Variants in BRCA2 observed in about 807,000 individuals in gnomAD.
BRCA2 encodes BRCA2 DNA repair associated, also known as breast cancer type 2 susceptibility protein.
In BRCA2, 203 loss-of-function variants were observed where a neutral mutation model predicts 276.7. The observed-to-expected ratio is 0.73, with a 90% CI of 0.65 to 0.82. The LOEUF (loss-of-function observed/expected upper bound fraction) is 0.82, where lower values mean the gene tolerates loss of function less well. Ranked by LOEUF, BRCA2 falls within the 40% of genes least tolerant of loss-of-function variation. The pLI is 0.00. For missense variants in BRCA2, 3,920 were observed against 3,915.0 expected (o/e 1.00, Z -0.03); for synonymous variants, 1,289 against 1,338.4 (o/e 0.96, Z 0.81).
At position 32,339,997 on chromosome 13, in the gene BRCA2, A is replaced by T. The variant is rs398122537; in HGVS notation, c.5642A>T (p.Lys1881Ile). Residue 1881 changes from lysine (K) to isoleucine (I), a missense_variant, in exon 11 of 27, where the codon AAA (lysine) becomes ATA (isoleucine). Lys to Ile is a moderately radical substitution (Grantham distance 102, BLOSUM62 -3). Coordinates refer to ENST00000380152, the MANE Select transcript of BRCA2 (RefSeq NM_000059.4). ...GTAATTAAGGAAAACAACGAGAATA[A>T]ATCAAAAATTTGCCAAACGAAAATT... ...SKVIKENNEN[K>I]SKICQTKIMA... is the part of the protein sequence containing the mutation. 3.1e-6 allele frequency: 5 copies of T among 1,612,330 alleles called. No homozygotes were observed. The highest frequency in any genetic ancestry group is 4.2e-6 in the Non-Finnish European group (5 of 1,179,524).
At chr13:32,367,171 A>G (rs2072788754) in intron 18 of BRCA2, among the ~76,000 whole-genome samples, 1 of 152,220 alleles carries the variant, frequency 6.6e-6, no homozygotes, top group South Asian at 2.1e-4. Context: ...ACACTGGCCC[A>G]CACCTGTAAT....
chr13:32,344,460 A>G, intron 11 of BRCA2, 98 bp from the exon 12 acceptor site: 2 of 726,130 alleles, frequency 2.8e-6, no homozygotes, highest in Non-Finnish European at 4.7e-6. Context: ...ACATTTAAAG[A>G]GTCAATACTT....
intron 13 of BRCA2, among the ~76,000 whole-genome samples, chr13:32,352,679 G>A (rs1355183671): frequency 6.6e-6 from 1 of 152,178 alleles, no homozygotes; most frequent in Non-Finnish European, 1.5e-5. Flanking sequence ...CTTCCTGTAT[G>A]TCATTTCTGA....
chr13:32,378,577 C>T (rs2072889847), intron 21 of BRCA2, among the ~76,000 whole-genome samples: 1 of 152,184 alleles, frequency 6.6e-6, no homozygotes, highest in African/African-American at 2.4e-5. Context: ...TATAGATAAT[C>T]TCCCTTCCCG....
intron 13 of BRCA2, among the ~76,000 whole-genome samples, chr13:32,348,410 A>G (rs996152441): frequency 6.6e-6 from 1 of 152,140 alleles, no homozygotes; most frequent in African/African-American, 2.4e-5. Context: ...TTTTTAGAAT[A>G]ATAGAGGCAG....
At position 32,326,226 on chromosome 13, in the gene BRCA2, CT is replaced by C. The variant is rs276174849; in HGVS notation, c.476-9del. The C allele has an allele frequency of 6.2e-7, 1 of 1,612,998 alleles. No homozygotes were observed. The highest frequency in any genetic ancestry group is 8.5e-7 in the Non-Finnish European group (1 of 1,179,244). On this transcript the variant is annotated splice_polypyrimidine_tract_variant and intron_variant, in intron 5 of 26. Transcript: ENST00000380152. Reference sequence around the variant, plus strand: ...AAAAATAAAACTTAACAATTTTCCCCTTTTTTTACCCCCAGTGGTATGTGGG... The same window carrying C: ...AAAAATAAAACTTAACAATTTTCCCCTTTTTTACCCCCAGTGGTATGTGGG...
At chr13:32,360,574 G>C (rs2072731802) in intron 16 of BRCA2, among the ~76,000 whole-genome samples, 1 of 152,108 alleles carries the variant, frequency 6.6e-6, no homozygotes, top group African/African-American at 2.4e-5. Flanking sequence ...TGGCCAGGTT[G>C]GTCTCAAACT....
At chr13:32,321,183 C>T (rs937016602) in intron 3 of BRCA2, among the ~76,000 whole-genome samples, 3 of 152,180 alleles carry the variant, frequency 2.0e-5, no homozygotes, top group South Asian at 4.1e-4. Flanking sequence ...ATATGCAGAA[C>T]ACAGTAGTAA....
At chr13:32,321,112 G>A (rs1244862081) in intron 3 of BRCA2, among the ~76,000 whole-genome samples, 2 of 152,144 alleles carry the variant, frequency 1.3e-5, no homozygotes, top group Non-Finnish European at 2.9e-5. Context: ...TAAAACTATA[G>A]GACCTTGCAG....
rs80358506 is a variant in BRCA2, at chr13:32,336,772, A to T, written c.2417A>T (p.Asp806Val). 1 of 1,611,038 alleles carries T rather than the reference A, an allele frequency of 6.2e-7. No homozygotes were observed. The highest frequency in any genetic ancestry group is 8.5e-7 in the Non-Finnish European group (1 of 1,178,826). ...DKLKGNNYES[D>V]VELTKNIPME... The stretch of plus-strand genomic sequence containing the variant: ...CTCAAAGGTAACAATTATGAATCTG[A>T]TGTTGAATTAACCAAAAATATTCCC... The change falls in exon 11 of 27, where the codon GAT (aspartate) becomes GTT (valine). Residue 806 changes from aspartate to valine, a missense_variant. Physicochemically the swap from Asp to Val is radical, Grantham distance 152. Transcript: ENST00000380152.
rs763490852 is a variant in BRCA2, at chr13:32,355,193, A to C, written c.7340A>C (p.Asn2447Thr). 1 of 1,613,798 alleles carries C rather than the reference A, an allele frequency of 6.2e-7. No homozygotes were observed. The highest frequency in any genetic ancestry group is 8.5e-7 in the Non-Finnish European group (1 of 1,179,720). ...IDGHGSDDSK[N>T]KINDNEIHQF... is the part of the protein sequence containing the mutation. ...GGACATGGCTCTGATGATAGTAAAA[A>C]TAAGATTAATGACAATGAGATTCAT... is the stretch of plus-strand genomic sequence containing the variant. Residue 2447 changes from asparagine to threonine, a missense_variant, in exon 14 of 27, where the codon AAT becomes ACT. Asn to Thr is a moderately conservative substitution (Grantham distance 65, BLOSUM62 0). Coordinates refer to ENST00000380152, the MANE Select transcript of BRCA2 (RefSeq NM_000059.4).
At chr13:32,370,035 C>T (rs1446036702) in intron 18 of BRCA2, among the ~76,000 whole-genome samples, 14 of 152,150 alleles carry the variant, frequency 9.2e-5, no homozygotes, top group Non-Finnish European at 1.5e-5. Flanking sequence ...TTGGTGATAC[C>T]TCATTTCCTA....
At chr13:32,372,020 T>C (rs1417920525) in intron 20 of BRCA2, among the ~76,000 whole-genome samples, 2 of 152,238 alleles carry the variant, frequency 1.3e-5, no homozygotes, top group African/African-American at 4.8e-5. Context: ...AGAGTGGTAG[T>C]TGGTGAAGGT....
chr13:32,338,649 A>G lies in BRCA2; in HGVS notation c.4294A>G (p.Ser1432Gly), dbSNP rs398122781. The G allele has an allele frequency of 6.3e-7, 1 of 1,598,738 alleles. No homozygotes were observed. The highest frequency in any genetic ancestry group is 1.7e-5 in the Admixed American group (1 of 58,922). The change falls in exon 11 of 27, where the codon AGT becomes GGT. Residue 1432 changes from serine (S) to glycine (G), a missense_variant. Ser to Gly is a moderately conservative substitution (Grantham distance 56). This residue lies in a region of BRCA2 where 3,263 missense variants were observed against 3,156.9 expected (regional missense o/e 1.03). Transcript: ENST00000380152. ...ETSDTFFQTA[S>G]GKNISVAKES... ...TTCTGATACATTTTTTCAGACTGCA[A>G]GTGGGAAAAATATTAGTGTCGCCAA...
chr13:32,333,523 T>C (rs1341538901), intron 10 of BRCA2, 136 bp downstream of exon 10: 3 of 1,003,330 alleles, frequency 3.0e-6, no homozygotes, highest in African/African-American at 1.7e-5. Flanking sequence ...CATGATTGTT[T>C]AGGTCTTTAA....
At chr13:32,363,106 T>G in intron 17 of BRCA2, 73 bp from the exon 18 acceptor site, 1 of 1,274,974 alleles carries the variant, frequency 7.8e-7, no homozygotes, top group Non-Finnish European at 1.1e-6. Context: ...TCTCAGTTAT[T>G]CAGTGACTTG....
intron 24 of BRCA2, chr13:32,384,684 C>T (rs1469117633): frequency 1.7e-5 from 4 of 231,660 alleles, no homozygotes; most frequent in Non-Finnish European, 3.8e-5. Context: ...TGATGATCAT[C>T]AGGTCAAGGA....
chr13:32,326,403 A>G, intron 6 of BRCA2, 96 bp from the exon 7 acceptor site: 2 of 1,433,434 alleles, frequency 1.4e-6, no homozygotes. Flanking sequence ...CAGGCAATTC[A>G]GTAAACGTTA....
rs2137465559 is a variant in BRCA2 at position 32,332,369 on chromosome 13, A to G, written c.891A>G (p.Glu297=). Residue 297 remains glutamate (E), a synonymous_variant, in exon 10 of 27, where the codon GAA becomes GAG. Transcript: ENST00000380152. The part of the protein sequence containing the change: ...MPNVLEDEVY[E]TVVDTSEEDS... ...ATGTCCTAGAAGATGAAGTATATGA[A>G]ACAGTTGTAGATACCTCTGAAGAAG... 3.8e-6 allele frequency: 6 copies of G among 1,596,792 alleles called. No individual in the cohort carries two copies. The highest frequency in any genetic ancestry group is 1.1e-5 in the South Asian group (1 of 87,624).
Sources: gnomAD v4.1 joint callset for allele counts (sites outside exome capture counted in the v4.1 genomes callset) on GRCh38, gnomAD v4.1.1 for gene constraint, gnomAD v4.1.1 regional missense constraint, MANE v1.5 for transcripts, NCBI Gene and HGNC (gene_info 2026-07-23, HGNC 2026-07-21) for gene names.